Variants in RHBDD1 observed in about 807,000 individuals in gnomAD.
The protein encoded by RHBDD1 is rhomboid-related protein 4.
A neutral mutation model predicts 36.3 loss-of-function variants in RHBDD1; 38 were observed. The ratio of observed to expected loss-of-function variants is 1.05; its 90% CI spans 0.81 to 1.37. The LOEUF (loss-of-function observed/expected upper bound fraction) is 1.37, where lower values mean the gene tolerates loss of function less well. Ranked by LOEUF, RHBDD1 falls within the 40% of genes most tolerant of loss-of-function variation. The pLI is 0.00. For synonymous variants in RHBDD1, 151 were observed against 136.5 expected, an observed-to-expected ratio of 1.11 and a Z score of -0.74; for missense variants, 393 against 377.6, an observed-to-expected ratio of 1.04 and a Z score of -0.34.
At chr2:226,860,035 A>G (rs1167056584) in intron 3 of RHBDD1, among the ~76,000 whole-genome samples, 1 of 152,212 alleles carries the variant, frequency 6.6e-6, no homozygotes, top group Non-Finnish European at 1.5e-5. Flanking sequence ...GGAAGAATTA[A>G]TAAAACTTGA....
At chr2:226,825,966 A>G in the RHBDD1 span, among the ~76,000 whole-genome samples, 1 of 152,222 alleles carries the variant, frequency 6.6e-6, no homozygotes, top group Admixed American at 6.5e-5. Context: ...CACTTTGATA[A>G]AAGCTCTAAA....
chr2:226,852,690 T>C (rs1402125793), intron 3 of RHBDD1, among the ~76,000 whole-genome samples: 1 of 152,122 alleles, frequency 6.6e-6, no homozygotes. Context: ...ACTAAGACAA[T>C]TGCCAGAAAC....
intron 8 of RHBDD1, among the ~76,000 whole-genome samples, chr2:226,950,830 T>C (rs1299541201): frequency 6.6e-6 from 1 of 152,190 alleles, no homozygotes; most frequent in African/African-American, 2.4e-5. Flanking sequence ...TTGGGTTGTT[T>C]TCTTGCCTTT....
intron 3 of RHBDD1, among the ~76,000 whole-genome samples, chr2:226,849,881 C>T (rs1276223001): frequency 6.6e-6 from 1 of 152,178 alleles, no homozygotes; most frequent in East Asian, 1.9e-4. Flanking sequence ...TTTTCTGTCT[C>T]TCTCTCTCTA....
intron 5 of RHBDD1, among the ~76,000 whole-genome samples, chr2:226,888,442 A>AT (rs1946411820): frequency 6.6e-6 from 1 of 152,106 alleles, no homozygotes; most frequent in Admixed American, 6.5e-5. Flanking sequence ...AGTTTTAATA[A>AT]TATTAGTTAT....
At chr2:226,984,251 T>C (rs2149474092) in intron 8 of RHBDD1, among the ~76,000 whole-genome samples, 1 of 152,352 alleles carries the variant, frequency 6.6e-6, no homozygotes, top group Admixed American at 6.5e-5. Context: ...CTTAACAAAA[T>C]ACTACCATGG....
chr2:226,926,095 AT>A (rs948720184), intron 8 of RHBDD1, among the ~76,000 whole-genome samples: 2 of 151,932 alleles, frequency 1.3e-5, no homozygotes, highest in Non-Finnish European at 2.9e-5. Flanking sequence ...AATAAGGGCC[AT>A]TGGCCAGGTG....
intron 8 of RHBDD1, among the ~76,000 whole-genome samples, chr2:226,953,767 G>C (rs547484150): frequency 6.6e-6 from 1 of 152,172 alleles, no homozygotes; most frequent in Admixed American, 6.5e-5. Flanking sequence ...GAGGTGGGAA[G>C]ATCATTATTT....
chr2:226,970,777 G>T (rs1353196627), intron 8 of RHBDD1, among the ~76,000 whole-genome samples: 1 of 152,160 alleles, frequency 6.6e-6, no homozygotes, highest in East Asian at 1.9e-4. Flanking sequence ...AAGAAATTGA[G>T]GCTCAGGGAT....
At chr2:226,808,821 A>G in the RHBDD1 span, among the ~76,000 whole-genome samples, 6 of 152,166 alleles carry the variant, frequency 3.9e-5, no homozygotes, top group Non-Finnish European at 7.4e-5. Context: ...CCACCCAGAT[A>G]AAAGGGCAGG....
At chr2:226,952,329 G>T (rs1329377214) in intron 8 of RHBDD1, among the ~76,000 whole-genome samples, 6 of 138,262 alleles carry the variant, frequency 4.3e-5, no homozygotes, top group African/African-American at 1.6e-4. Context: ...AAAGAGTCTG[G>T]CTGTGTCATC....
chr2:226,826,778 C>T, the RHBDD1 span, among the ~76,000 whole-genome samples: 14 of 152,226 alleles, frequency 9.2e-5, no homozygotes, highest in Admixed American at 5.2e-4. Flanking sequence ...CCTCGGCCTC[C>T]CACAGTGCTG....
At chr2:226,807,095 G>C in the RHBDD1 span, among the ~76,000 whole-genome samples, 1 of 152,136 alleles carries the variant, frequency 6.6e-6, no homozygotes, top group Non-Finnish European at 1.5e-5. Context: ...GAAATCTGAA[G>C]ACAGGCAAAA....
intron 5 of RHBDD1, among the ~76,000 whole-genome samples, chr2:226,891,725 C>T (rs1226568572): frequency 6.6e-6 from 1 of 152,058 alleles, no homozygotes; most frequent in Non-Finnish European, 1.5e-5. Flanking sequence ...GGTTGGAAAC[C>T]CTAGAAATAA....
chr2:226,968,703 T>G (rs2149312874), intron 8 of RHBDD1, among the ~76,000 whole-genome samples: 1 of 152,282 alleles, frequency 6.6e-6, no homozygotes, highest in South Asian at 2.1e-4. Flanking sequence ...TGGGGAATTT[T>G]TAAGTGGGGC....
chr2:226,988,391 A>G, intron 8 of RHBDD1: 1 of 1,550,518 alleles, frequency 6.4e-7, no homozygotes. Context: ...AAAGGTCAGA[A>G]CAGACAAAGG....
In RHBDD1 at chr2:226,958,702, CTGTGTGTGTG is replaced by C. The variant is rs10666758; in HGVS notation, c.857-36695_857-36686del. On this transcript the variant is annotated intron_variant, in intron 8 of 8. Transcript: ENST00000392062. Reference sequence around the variant, plus strand: ...TTTGAGTTTAGGATGAAGGATTTTTCTGTGTGTGTGTGTGTGTGTGTGTGTGTGTGTGTGT... The same window carrying C: ...TTTGAGTTTAGGATGAAGGATTTTTCTGTGTGTGTGTGTGTGTGTGTGTGT... Among the ~76,000 whole-genome samples, 84 of 138,936 alleles carry C rather than the reference CTGTGTGTGTG, an allele frequency of 6.0e-4. No homozygotes were observed. In the East Asian group the frequency reaches 7.8e-3, roughly 13 times the overall value. The allele number at this position is 138,936 out of a possible 152,430, so 91.1% of individuals were successfully genotyped here.
At position 226,952,438 on chromosome 2, in the gene RHBDD1, C is replaced by T. The variant is rs138825932; in HGVS notation, c.856+38087C>T. 2.7e-3 allele frequency among the ~76,000 whole-genome samples: 410 copies of T among 151,962 alleles called. 4 individuals carry two copies. In the South Asian group the frequency reaches 0.043, roughly 16 times the overall value. On this transcript the variant is annotated intron_variant, in intron 8 of 8. Coordinates refer to ENST00000392062, the MANE Select transcript of RHBDD1 (RefSeq NM_001167608.3). ...TCAGACTCCCAAATAGCTGGAATTACAGGCACATGCCACCACGCCCAGCTA... is the reference window on the plus strand; with the variant it reads ...TCAGACTCCCAAATAGCTGGAATTATAGGCACATGCCACCACGCCCAGCTA...
chr2:226,876,644 A>G (rs1257625979), intron 5 of RHBDD1, among the ~76,000 whole-genome samples: 5 of 152,218 alleles, frequency 3.3e-5, no homozygotes, highest in Non-Finnish European at 7.3e-5. Flanking sequence ...TCATACTCTG[A>G]ACTAGTGGTT....
Sources: gnomAD v4.1 joint callset for allele counts (sites outside exome capture counted in the v4.1 genomes callset) on GRCh38, gnomAD v4.1.1 for gene constraint, MANE v1.5 for transcripts, NCBI Gene and HGNC (gene_info 2026-07-23, HGNC 2026-07-21) for gene names.